The following SPIRE1 variants were observed in gnomAD, a reference collection of about 807,000 sequenced individuals.
SPIRE1 encodes protein spire homolog 1.
In SPIRE1, 40 loss-of-function variants were observed where a neutral mutation model predicts 94.1. The observed-to-expected ratio is 0.43, with a 90% CI of 0.33 to 0.55. SPIRE1 has a LOEUF of 0.55. SPIRE1 is among the 20% of genes least tolerant of loss of function. The pLI is 0.06. For synonymous variants in SPIRE1, 376 were observed against 371.7 expected (o/e 1.01, Z -0.13); for missense variants, 838 against 975.2 (o/e 0.86, Z 1.87).
intron 4 of SPIRE1, among the ~76,000 whole-genome samples, chr18:12,521,713 G>C (rs1205825777): frequency 6.6e-6 from 1 of 152,096 alleles, no homozygotes; most frequent in Non-Finnish European, 1.5e-5. Flanking sequence ...TTTTCCTAGA[G>C]TATGTGCTCA....
At chr18:12,610,205 A>G (rs2037099334) in intron 2 of SPIRE1, among the ~76,000 whole-genome samples, 1 of 151,666 alleles carries the variant, frequency 6.6e-6, no homozygotes, top group African/African-American at 2.4e-5. Context: ...CTTCTCTCTC[A>G]ATTCTTGGTG....
chr18:12,647,778 A>AT (rs1177919388), intron 1 of SPIRE1, among the ~76,000 whole-genome samples: 1 of 152,190 alleles, frequency 6.6e-6, no homozygotes, highest in Non-Finnish European at 1.5e-5. Flanking sequence ...AAACAAAACA[A>AT]TAAGCAACAA....
chr18:12,603,358 C>T (rs1341480655), intron 2 of SPIRE1, among the ~76,000 whole-genome samples: 1 of 152,046 alleles, frequency 6.6e-6, no homozygotes, highest in Non-Finnish European at 1.5e-5. Context: ...GGTCTTCATC[C>T]CTATCTCCTG....
intron 2 of SPIRE1, among the ~76,000 whole-genome samples, chr18:12,561,053 G>A (rs1477325572): frequency 6.6e-6 from 1 of 152,032 alleles, no homozygotes; most frequent in Non-Finnish European, 1.5e-5. Context: ...TGATTATTAC[G>A]CACTGGATGT....
Position 12,449,376 on chromosome 18 carries a change from T to A in SPIRE1, c.*262A>T. The A allele has an allele frequency of 2.1e-6, 1 of 481,562 alleles. No individual in the cohort carries two copies. Among genetic ancestry groups the A allele is most frequent in the East Asian group, 3.8e-5 (1 of 26,326 alleles). 29.8% of individuals were successfully genotyped at this position (481,562 alleles called of 1,614,324 possible). A position where few individuals can be genotyped will look rare whatever the true frequency, so the allele number is the denominator to read the frequency against. The stretch of plus-strand genomic sequence containing the variant: ...TGAACTAAGGAAGTAGCTACTGGCT[T>A]CCAAAGCCACACACACACAAAAGTA... On this transcript the variant is annotated 3_prime_UTR_variant, in exon 17 of 17. Transcript: ENST00000409402.
chr18:12,600,828 G>C (rs2036813020), intron 2 of SPIRE1, among the ~76,000 whole-genome samples: 1 of 151,450 alleles, frequency 6.6e-6, no homozygotes, highest in Non-Finnish European at 1.5e-5. Context: ...ACTCAAAAGT[G>C]TTCCTCCTAA....
At chr18:12,569,353 AAAAAG>A (rs1300885298) in intron 2 of SPIRE1, among the ~76,000 whole-genome samples, 2 of 151,932 alleles carry the variant, frequency 1.3e-5, no homozygotes, top group Non-Finnish European at 2.9e-5. Flanking sequence ...AAAAAAAAAA[AAAAAG>A]GAGCACAGGC....
chr18:12,601,171 A>G (rs1193747218), intron 2 of SPIRE1, among the ~76,000 whole-genome samples: 1 of 152,038 alleles, frequency 6.6e-6, no homozygotes, highest in African/African-American at 2.4e-5. Context: ...CTGTAATCCC[A>G]GCACTCTGGG....
chr18:12,510,000 G>C (rs2033978261), intron 5 of SPIRE1, among the ~76,000 whole-genome samples: 1 of 151,620 alleles, frequency 6.6e-6, no homozygotes, highest in Non-Finnish European at 1.5e-5. Context: ...CAGGAGAATT[G>C]CTTGAACCCA....
chr18:12,457,561 A>G (rs1271817723), intron 12 of SPIRE1, among the ~76,000 whole-genome samples: 1 of 152,186 alleles, frequency 6.6e-6, no homozygotes, highest in African/African-American at 2.4e-5. Flanking sequence ...GCGCACCTCT[A>G]GTTCCCTTGC....
At chr18:12,567,206 T>C (rs976743810) in intron 2 of SPIRE1, among the ~76,000 whole-genome samples, 5 of 152,134 alleles carry the variant, frequency 3.3e-5, no homozygotes, top group Admixed American at 1.3e-4. Flanking sequence ...AAATTAAAAA[T>C]ATAATACCAC....
chr18:12,611,992 T>C (rs954449511), intron 2 of SPIRE1, among the ~76,000 whole-genome samples: 6 of 152,248 alleles, frequency 3.9e-5, no homozygotes, highest in East Asian at 3.9e-4. Context: ...TATGTAGCAA[T>C]AGATATCTAA....
At chr18:12,580,366 C>T (rs1209828743) in intron 2 of SPIRE1, among the ~76,000 whole-genome samples, 1 of 152,068 alleles carries the variant, frequency 6.6e-6, no homozygotes, top group Admixed American at 6.6e-5. Context: ...CTCTGTCACC[C>T]AGGCTGGAGT....
intron 2 of SPIRE1, among the ~76,000 whole-genome samples, chr18:12,601,789 A>G (rs1374334680): frequency 2.0e-5 from 3 of 152,222 alleles, no homozygotes; most frequent in South Asian, 4.1e-4. Context: ...CCATGTGGCT[A>G]TATCAGTATT....
chr18:12,648,759 G>C (rs1014359114), intron 1 of SPIRE1, among the ~76,000 whole-genome samples: 5 of 151,876 alleles, frequency 3.3e-5, no homozygotes, highest in Non-Finnish European at 7.4e-5. Flanking sequence ...TGTGGTGGCA[G>C]GTGCCTGTAA....
At chr18:12,500,692 C>T (rs924739967) in intron 6 of SPIRE1, among the ~76,000 whole-genome samples, 8 of 151,952 alleles carry the variant, frequency 5.3e-5, no homozygotes, top group Admixed American at 1.3e-4. Flanking sequence ...CTCATGCTAG[C>T]GAAAATGAAA....
intron 2 of SPIRE1, among the ~76,000 whole-genome samples, chr18:12,550,882 A>T (rs1012754484): frequency 6.6e-6 from 1 of 152,200 alleles, no homozygotes; most frequent in Non-Finnish European, 1.5e-5. Context: ...TCTCTCAGCA[A>T]CTACTTCTCA....
At chr18:12,588,150 A>G (rs1353233984) in intron 2 of SPIRE1, among the ~76,000 whole-genome samples, 1 of 152,212 alleles carries the variant, frequency 6.6e-6, no homozygotes, top group Non-Finnish European at 1.5e-5. Context: ...TCAGTACTTC[A>G]TATCTTTTTA....
intron 2 of SPIRE1, among the ~76,000 whole-genome samples, chr18:12,561,268 ATTTT>A (rs34495303): frequency 1.5e-5 from 2 of 134,884 alleles, no homozygotes; most frequent in Non-Finnish European, 3.2e-5. Context: ...GAATAGATCA[ATTTT>A]TTTTTTTTTT....
Sources: gnomAD v4.1 joint callset for allele counts (sites outside exome capture counted in the v4.1 genomes callset) on GRCh38, gnomAD v4.1.1 for gene constraint, MANE v1.5 for transcripts, NCBI Gene and HGNC (gene_info 2026-07-23, HGNC 2026-07-21) for gene names.